Variants in SENP7 observed in about 807,000 individuals in gnomAD.
SENP7 encodes SUMO specific peptidase 7.
Under a neutral mutation model 141.2 loss-of-function variants are expected in SENP7, and 64 were observed. The observed-to-expected ratio is 0.45, with a 90% confidence interval of 0.37 to 0.56. SENP7 has a LOEUF of 0.56. SENP7 is among the 20% of genes least tolerant of loss of function. The pLI, the probability that SENP7 is intolerant of heterozygous loss-of-function variation, is 0.00. For synonymous variants in SENP7, 382 were observed against 426.4 expected (o/e 0.90, Z 1.28); for missense variants, 1,025 against 1,212.2 (o/e 0.85, Z 2.29).
At chr3:101,331,082 CATA>C (rs1223973493) in intron 19 of SENP7, among the ~76,000 whole-genome samples, 9 of 151,374 alleles carry the variant, frequency 5.9e-5, no homozygotes, top group African/African-American at 1.9e-4. Context: ...AAATCAAAGG[CATA>C]AATTCCTAGT....
intron 6 of SENP7, among the ~76,000 whole-genome samples, chr3:101,380,437 C>CA (rs979920140): frequency 7.8e-5 from 1 of 12,798 alleles, no homozygotes; most frequent in Non-Finnish European, 1.4e-4. Flanking sequence ...AAACCACCGC[C>CA]CCCCCCCCCA....
At chr3:101,466,733 G>C (rs539410788) in intron 3 of SENP7, among the ~76,000 whole-genome samples, 1 of 152,276 alleles carries the variant, frequency 6.6e-6, no homozygotes, top group East Asian at 1.9e-4. Context: ...TGGCTAAATA[G>C]GAACAGCTCC....
intron 7 of SENP7, among the ~76,000 whole-genome samples, chr3:101,371,055 C>A (rs1490990957): frequency 2.0e-5 from 3 of 152,066 alleles, no homozygotes; most frequent in Non-Finnish European, 2.9e-5. Flanking sequence ...TTTGGGAAGC[C>A]GAGGCAGGCA....
At chr3:101,346,987 G>A in intron 13 of SENP7, among the ~76,000 whole-genome samples, 1 of 151,236 alleles carries the variant, frequency 6.6e-6, no homozygotes, top group Non-Finnish European at 1.5e-5. Context: ...AGGAAGGAGG[G>A]AGGAAGGAGG....
At chr3:101,463,380 T>TATATATATATAC (rs1167769147) in intron 3 of SENP7, among the ~76,000 whole-genome samples, 23 of 72,128 alleles carry the variant, frequency 3.2e-4, no homozygotes, top group African/African-American at 8.0e-4. Flanking sequence ...TATATATATA[T>TATATATATATAC]ATATATATAT....
chr3:101,452,066 A>C (rs2063160176), intron 4 of SENP7, among the ~76,000 whole-genome samples: 1 of 152,252 alleles, frequency 6.6e-6, no homozygotes, highest in East Asian at 1.9e-4. Flanking sequence ...CTTATACACC[A>C]ATAACAGACA....
intron 9 of SENP7, among the ~76,000 whole-genome samples, chr3:101,365,546 G>T (rs557776731): frequency 7.0e-6 from 1 of 142,318 alleles, no homozygotes; most frequent in South Asian, 2.3e-4. Flanking sequence ...TGATTAAGGA[G>T]ATTACTTGAG....
At chr3:101,484,902 T>C (rs1010350872) in intron 3 of SENP7, among the ~76,000 whole-genome samples, 2 of 152,046 alleles carry the variant, frequency 1.3e-5, no homozygotes, top group Non-Finnish European at 2.9e-5. Flanking sequence ...GGAAACAGAC[T>C]TGGGACTGTT....
intron 3 of SENP7, among the ~76,000 whole-genome samples, chr3:101,464,511 T>C (rs1046511078): frequency 6.6e-6 from 1 of 152,018 alleles, no homozygotes; most frequent in Non-Finnish European, 1.5e-5. Flanking sequence ...TTATGAACTG[T>C]GCATATGAGT....
intron 4 of SENP7, among the ~76,000 whole-genome samples, chr3:101,452,069 AACAG>A (rs2063160548): frequency 6.6e-6 from 1 of 152,222 alleles, no homozygotes; most frequent in Admixed American, 6.5e-5. Context: ...ATACACCAAT[AACAG>A]ACAAACAGAG....
chr3:101,477,509 CTAA>C (rs1447007022), intron 3 of SENP7, among the ~76,000 whole-genome samples: 1 of 151,472 alleles, frequency 6.6e-6, no homozygotes, highest in Non-Finnish European at 1.5e-5. Context: ...TAAAAAAAAC[CTAA>C]TAATGCACCT....
At chr3:101,363,716 T>C (rs1031048316) in intron 10 of SENP7, among the ~76,000 whole-genome samples, 1 of 152,200 alleles carries the variant, frequency 6.6e-6, no homozygotes. Flanking sequence ...AGGTGATTTC[T>C]ACGTGGAATA....
chr3:101,463,384 T>TATATATATATAC lies in SENP7; in HGVS notation c.187-4333_187-4332insGTATATATATAT, dbSNP rs1553744757. On this transcript the variant is annotated intron_variant, in intron 3 of 23. Transcript: ENST00000394095. ...AAATAAATATATATATATATATATATATATATATATATACATATATATATA... is the reference window on the plus strand; with the variant it reads ...AAATAAATATATATATATATATATATATATATATATACATATATATATATACATATATATATA... Among the ~76,000 whole-genome samples the TATATATATATAC allele has an allele frequency of 1.2e-3, 112 of 94,778 alleles. 1 individual carries two copies. The East Asian group carries it at 0.03, about 26-fold the overall frequency. 62.2% of individuals were successfully genotyped at this position (94,778 alleles called of 152,430 possible).
intron 4 of SENP7, among the ~76,000 whole-genome samples, chr3:101,438,241 A>AT (rs2062465623): frequency 2.0e-5 from 3 of 152,238 alleles, no homozygotes; most frequent in Admixed American, 1.3e-4. Flanking sequence ...ACAATGGAAA[A>AT]TTATTCACCT....
intron 3 of SENP7, among the ~76,000 whole-genome samples, chr3:101,470,852 C>A (rs1258417506): frequency 6.6e-6 from 1 of 152,066 alleles, no homozygotes; most frequent in Non-Finnish European, 1.5e-5. Flanking sequence ...TCTTATACAC[C>A]CTTAACAGAC....
intron 4 of SENP7, among the ~76,000 whole-genome samples, chr3:101,428,619 T>A (rs554854694): frequency 1.3e-5 from 2 of 152,322 alleles, no homozygotes; most frequent in South Asian, 4.1e-4. Context: ...ATGGACAGAT[T>A]GCAAAAATTT....
intron 3 of SENP7, among the ~76,000 whole-genome samples, chr3:101,483,258 C>T (rs1235518417): frequency 2.0e-5 from 3 of 152,086 alleles, no homozygotes; most frequent in South Asian, 2.1e-4. Context: ...GAATGCTATG[C>T]GGCCATAAAA....
At chr3:101,500,640 C>G (rs1316293759) in intron 2 of SENP7, among the ~76,000 whole-genome samples, 1 of 152,118 alleles carries the variant, frequency 6.6e-6, no homozygotes, top group Non-Finnish European at 1.5e-5. Flanking sequence ...TTTTGCTACT[C>G]TTGGCTTACG....
At chr3:101,500,146 T>A (rs1336951874) in intron 2 of SENP7, among the ~76,000 whole-genome samples, 1 of 152,214 alleles carries the variant, frequency 6.6e-6, no homozygotes, top group Non-Finnish European at 1.5e-5. Context: ...TGAAGACGTA[T>A]CATATTAAAG....
Sources: gnomAD v4.1 joint callset for allele counts (sites outside exome capture counted in the v4.1 genomes callset) on GRCh38, gnomAD v4.1.1 for gene constraint, MANE v1.5 for transcripts, NCBI Gene and HGNC (gene_info 2026-07-23, HGNC 2026-07-21) for gene names.